The following TOM1L1 variants were observed in gnomAD, a reference collection of about 807,000 sequenced individuals.
TOM1L1 encodes target of myb1 like 1 membrane trafficking protein.
In TOM1L1, 64 loss-of-function variants were observed where a neutral mutation model predicts 63.4. The ratio of observed to expected loss-of-function variants is 1.01; its 90% CI spans 0.83 to 1.24. The LOEUF (loss-of-function observed/expected upper bound fraction) is 1.24. TOM1L1 is among the 50% of genes most tolerant of loss of function. TOM1L1 has a pLI of 0.00. For missense variants in TOM1L1, 536 were observed against 567.0 expected, an observed-to-expected ratio of 0.95 and a Z score of 0.55; for synonymous variants, 166 against 194.4, an observed-to-expected ratio of 0.85 and a Z score of 1.22.
At chr17:54,910,684 A>G (rs1260134330) in intron 3 of TOM1L1, among the ~76,000 whole-genome samples, 2 of 152,168 alleles carry the variant, frequency 1.3e-5, no homozygotes, top group Non-Finnish European at 2.9e-5. Context: ...CAACTTTCCA[A>G]CTTTGTCTCA....
intron 11 of TOM1L1, among the ~76,000 whole-genome samples, chr17:54,945,654 A>G (rs1314205909): frequency 6.9e-6 from 1 of 145,634 alleles, no homozygotes; most frequent in Non-Finnish European, 1.5e-5. Context: ...CCATTTTGCT[A>G]TTGAGCTCAT....
At position 54,961,934 on chromosome 17, in the gene TOM1L1, CAAAT is replaced by C. The variant is rs1474122587; in HGVS notation, c.*706_*709del. 36 of 894,170 alleles carry C rather than the reference CAAAT, an allele frequency of 4.0e-5. No individual in the cohort carries two copies. The highest frequency in any genetic ancestry group is 1.1e-3 in the Middle Eastern group (2 of 1,778). The allele number at this position is 894,170 out of a possible 1,614,324, so 55.4% of individuals were successfully genotyped here. On this transcript the variant is annotated 3_prime_UTR_variant, in exon 16 of 16. Coordinates refer to ENST00000575882, the MANE Select transcript of TOM1L1 (RefSeq NM_005486.3). ...TTAGAATAAGTTGTACATTTGATGA[CAAAT>C]AAATCACTATTAAAACAATTTAATA...
At position 54,911,088 on chromosome 17, in the gene TOM1L1, T is replaced by C. The variant is rs559838756; in HGVS notation, c.223-1578T>C. Reference sequence around the variant, plus strand: ...ACTTCCTGCATGCAGTTCTTCAGTATTGGTTCATTCTTTCTTAGTCAAGTT... The same window carrying C: ...ACTTCCTGCATGCAGTTCTTCAGTACTGGTTCATTCTTTCTTAGTCAAGTT... On this transcript the variant is annotated intron_variant, in intron 3 of 15. Transcript: ENST00000575882. 1.5e-3 allele frequency among the ~76,000 whole-genome samples: 226 copies of C among 152,342 alleles called. 8 individuals carry two copies. In the South Asian group the frequency reaches 0.045, roughly 31 times the overall value.
chr17:54,901,693 G>C (rs1374728101), intron 1 of TOM1L1, among the ~76,000 whole-genome samples: 1 of 152,134 alleles, frequency 6.6e-6, no homozygotes. Flanking sequence ...GCCAGGCAAA[G>C]TGTGATGATG....
chr17:54,907,606 TACAC>T (rs1209036353), intron 3 of TOM1L1, among the ~76,000 whole-genome samples: 1 of 152,086 alleles, frequency 6.6e-6, no homozygotes, highest in Non-Finnish European at 1.5e-5. Context: ...CCCACCCTCA[TACAC>T]ACACCTAATC....
At chr17:54,926,926 A>G (rs2143840382) in intron 7 of TOM1L1, among the ~76,000 whole-genome samples, 1 of 152,354 alleles carries the variant, frequency 6.6e-6, no homozygotes, top group South Asian at 2.1e-4. Context: ...ATTTTCTAGT[A>G]TACCTGGCTA....
At chr17:54,918,917 G>T (rs2048635472) in intron 7 of TOM1L1, among the ~76,000 whole-genome samples, 1 of 152,138 alleles carries the variant, frequency 6.6e-6, no homozygotes, top group African/African-American at 2.4e-5. Flanking sequence ...AGAACATCAG[G>T]GTAGTATACC....
At chr17:54,950,298 T>C (rs774507731) in intron 14 of TOM1L1, among the ~76,000 whole-genome samples, 172 bp downstream of exon 14, 14 of 152,240 alleles carry the variant, frequency 9.2e-5, no homozygotes, top group Non-Finnish European at 2.1e-4. Context: ...AATGGTCTTA[T>C]CGTTCCGGCC....
intron 3 of TOM1L1, among the ~76,000 whole-genome samples, chr17:54,911,816 A>G (rs896810046): frequency 3.9e-5 from 6 of 152,186 alleles, no homozygotes; most frequent in African/African-American, 1.4e-4. Context: ...CTTTGCACAC[A>G]TTAACCTTTT....
At chr17:54,944,787 TATAG>T (rs1427043277) in intron 11 of TOM1L1, among the ~76,000 whole-genome samples, 1 of 152,242 alleles carries the variant, frequency 6.6e-6, no homozygotes, top group Non-Finnish European at 1.5e-5. Flanking sequence ...GCAGTTCTTC[TATAG>T]ATAATGTATT....
intron 11 of TOM1L1, among the ~76,000 whole-genome samples, chr17:54,946,716 C>T (rs1336978565): frequency 2.0e-5 from 3 of 152,180 alleles, no homozygotes; most frequent in Admixed American, 2.0e-4. Context: ...GGGGTTCAGA[C>T]TGCATTGCAT....
chr17:54,901,039 C>T (rs1046025826), intron 1 of TOM1L1, 116 bp downstream of exon 1: 30 of 1,411,256 alleles, frequency 2.1e-5, no homozygotes, highest in African/African-American at 2.8e-5. Context: ...AAAATTATTC[C>T]CCTCCCCCCG....
At chr17:54,910,595 C>T (rs2048482491) in intron 3 of TOM1L1, among the ~76,000 whole-genome samples, 1 of 152,198 alleles carries the variant, frequency 6.6e-6, no homozygotes, top group South Asian at 2.1e-4. Flanking sequence ...TCACATTGAG[C>T]TAGAAGCACT....
Position 54,937,345 on chromosome 17 carries a change from G to T in TOM1L1, c.1033+119G>T, listed in dbSNP as rs1276157121. On this transcript the variant is annotated intron_variant, in intron 10 of 15. Coordinates refer to ENST00000575882, the MANE Select transcript of TOM1L1 (RefSeq NM_005486.3). ...CTGAAGTCAGGTTGAATGTCAGAGC[G>T]CTATGTTAGGAGATGTGATTACTTC... 23 of 812,618 alleles carry T rather than the reference G, an allele frequency of 2.8e-5. No homozygotes were observed. In the South Asian group the frequency reaches 3.2e-4, roughly 11 times the overall value. 50.3% of individuals were successfully genotyped at this position (812,618 alleles called of 1,614,324 possible). A position where few individuals can be genotyped will look rare whatever the true frequency, so the allele number is the denominator to read the frequency against.
At chr17:54,922,080 C>T (rs1326607754) in intron 7 of TOM1L1, among the ~76,000 whole-genome samples, 1 of 151,456 alleles carries the variant, frequency 6.6e-6, no homozygotes, top group African/African-American at 2.4e-5. Context: ...ATCATGAGGT[C>T]AGGAGGTGGA....
chr17:54,914,019 C>G, intron 5 of TOM1L1, 146 bp downstream of exon 5: 1 of 945,752 alleles, frequency 1.1e-6, no homozygotes, highest in Non-Finnish European at 1.4e-6. Flanking sequence ...ATAGAATAAC[C>G]GAGACTTGGG....
At chr17:54,920,241 A>T (rs1437654929) in intron 7 of TOM1L1, among the ~76,000 whole-genome samples, 1 of 152,132 alleles carries the variant, frequency 6.6e-6, no homozygotes, top group Non-Finnish European at 1.5e-5. Context: ...CTTGGGGGTC[A>T]GTGAGGGCCC....
At chr17:54,960,134 G>C (rs59409788) in intron 14 of TOM1L1, among the ~76,000 whole-genome samples, 1 of 151,584 alleles carries the variant, frequency 6.6e-6, no homozygotes, top group African/African-American at 2.4e-5. Flanking sequence ...AGGCCGAGGC[G>C]GGTGGATCAC....
In TOM1L1 at chr17:54,937,228, T is replaced by C; in HGVS notation, c.1033+2T>C. The C allele has an allele frequency of 6.3e-7, 1 of 1,598,226 alleles. No individual in the cohort carries two copies. The highest frequency in any genetic ancestry group is 8.6e-7 in the Non-Finnish European group (1 of 1,165,760). ...TGAATAATCAACTTTCAGGCTTAAG[T>C]AAATAAACACTCAGGTCTTTTCAGA... On this transcript the variant is annotated splice_donor_variant, in intron 10 of 15. Coordinates refer to ENST00000575882, the MANE Select transcript of TOM1L1 (RefSeq NM_005486.3). LOFTEE classifies it high-confidence loss of function.
Sources: gnomAD v4.1 joint callset for allele counts (sites outside exome capture counted in the v4.1 genomes callset) on GRCh38, gnomAD v4.1.1 for gene constraint, MANE v1.5 for transcripts, NCBI Gene and HGNC (gene_info 2026-07-23, HGNC 2026-07-21) for gene names.